The following LSAMP variants were observed in gnomAD, a reference collection of about 807,000 sequenced individuals.
LSAMP encodes the protein limbic system-associated membrane protein.
LSAMP carries 7 observed loss-of-function variants against 38.6 expected under a neutral mutation model. The ratio of observed to expected loss-of-function variants is 0.18; its 90% CI spans 0.10 to 0.34. The LOEUF (loss-of-function observed/expected upper bound fraction) is 0.34. Among genes scored for constraint, LSAMP ranks in the 10% least tolerant of loss-of-function variants. LSAMP has a pLI of 1.00. For missense variants in LSAMP, 313 were observed against 420.0 expected (o/e 0.75, Z 2.23); for synonymous variants, 154 against 166.8 (o/e 0.92, Z 0.59).
intron 1 of LSAMP, among the ~76,000 whole-genome samples, chr3:116,204,564 G>C (rs924992158): frequency 2.4e-4 from 37 of 151,302 alleles, no homozygotes; most frequent in Admixed American, 1.4e-3. Context: ...AATCCATCTT[G>C]AATTGATTTT....
intron 3 of LSAMP, among the ~76,000 whole-genome samples, chr3:115,963,137 C>T (rs1219894603): frequency 6.6e-6 from 1 of 152,134 alleles, no homozygotes; most frequent in Non-Finnish European, 1.5e-5. Context: ...TGTGGGACCA[C>T]AGGATCTCCA....
chr3:115,855,566 A>C (rs1045295619), intron 3 of LSAMP, among the ~76,000 whole-genome samples: 9 of 152,204 alleles, frequency 5.9e-5, no homozygotes, highest in Admixed American at 2.6e-4. Context: ...CACAATGTGC[A>C]TAGCTATCTC....
chr3:116,148,173 G>A (rs112545909), intron 1 of LSAMP, among the ~76,000 whole-genome samples: 2,717 of 148,766 alleles, frequency 0.018, 39 homozygotes, highest in Middle Eastern at 0.038. Context: ...TTCTCTCAGA[G>A]GTTAGTTAAA....
At chr3:116,058,466 A>G (rs982851136) in intron 2 of LSAMP, among the ~76,000 whole-genome samples, 16 of 152,252 alleles carry the variant, frequency 1.1e-4, no homozygotes, top group African/African-American at 2.9e-4. Flanking sequence ...ATTTTGAAAA[A>G]AAAAAAAAAA....
chr3:116,408,319 A>G (rs72951931), intron 1 of LSAMP, among the ~76,000 whole-genome samples: 5,339 of 152,214 alleles, frequency 0.035, 312 homozygotes, highest in African/African-American at 0.12. Context: ...AAGTGCAGAA[A>G]GAATGTTTAT....
intron 1 of LSAMP, among the ~76,000 whole-genome samples, chr3:116,237,608 A>G (rs1196131016): frequency 6.6e-6 from 1 of 152,134 alleles, no homozygotes; most frequent in Non-Finnish European, 1.5e-5. Flanking sequence ...CATTTTCACC[A>G]CAATTCATTT....
At chr3:116,279,743 TTTTCA>T (rs2047102652) in intron 1 of LSAMP, among the ~76,000 whole-genome samples, 1 of 152,176 alleles carries the variant, frequency 6.6e-6, no homozygotes, top group Non-Finnish European at 1.5e-5. Flanking sequence ...TGAAAATCTG[TTTTCA>T]TATACAACAT....
chr3:116,130,909 CTAA>C (rs1335226551), intron 1 of LSAMP, among the ~76,000 whole-genome samples: 5 of 151,556 alleles, frequency 3.3e-5, no homozygotes, highest in South Asian at 2.1e-4. Flanking sequence ...GGGCCTTGCT[CTAA>C]TGAGTGTATG....
intron 1 of LSAMP, among the ~76,000 whole-genome samples, chr3:116,394,393 A>G (rs2048742024): frequency 6.6e-6 from 1 of 152,184 alleles, no homozygotes; most frequent in South Asian, 2.1e-4. Context: ...ATCCTGCCCT[A>G]TTGCTCCCTC....
intron 6 of LSAMP, chr3:115,834,499 G>T: frequency 9.0e-7 from 1 of 1,112,048 alleles, no homozygotes; most frequent in Non-Finnish European, 1.2e-6. Flanking sequence ...TGTGTGTTTT[G>T]CATGTTAAAG....
At chr3:116,305,910 C>T (rs2047478024) in intron 1 of LSAMP, among the ~76,000 whole-genome samples, 1 of 145,732 alleles carries the variant, frequency 6.9e-6, no homozygotes. Context: ...ATCTCTGCCT[C>T]TTGTAATGAA....
intron 6 of LSAMP, among the ~76,000 whole-genome samples, chr3:115,811,633 G>A (rs1933836384): frequency 6.6e-6 from 1 of 151,938 alleles, no homozygotes; most frequent in South Asian, 2.1e-4. Flanking sequence ...CCTGGTATGT[G>A]AATTTTTCCA....
intron 1 of LSAMP, among the ~76,000 whole-genome samples, chr3:116,303,046 A>G (rs1033744744): frequency 7.1e-4 from 108 of 152,256 alleles, no homozygotes; most frequent in African/African-American, 2.4e-3. Flanking sequence ...TTTTATTTTA[A>G]TTAATTTTTT....
intron 3 of LSAMP, among the ~76,000 whole-genome samples, chr3:115,933,038 T>C (rs1937606466): frequency 1.3e-5 from 2 of 151,806 alleles, no homozygotes; most frequent in Admixed American, 1.3e-4. Flanking sequence ...GAAAATAAAG[T>C]GGGGAAATGG....
intron 1 of LSAMP, among the ~76,000 whole-genome samples, chr3:116,105,472 G>A (rs566521526): frequency 5.3e-4 from 80 of 152,196 alleles, no homozygotes; most frequent in Non-Finnish European, 9.9e-4. Context: ...GCGAAGGGAG[G>A]TAGGGGTGGG....
At chr3:115,932,979 T>C (rs1186978485) in intron 3 of LSAMP, among the ~76,000 whole-genome samples, 1 of 152,112 alleles carries the variant, frequency 6.6e-6, no homozygotes, top group East Asian at 1.9e-4. Flanking sequence ...GAAGCGAAAC[T>C]GAACTAGCTC....
chr3:116,039,926 G>A (rs1299148003), intron 2 of LSAMP, among the ~76,000 whole-genome samples: 2 of 151,922 alleles, frequency 1.3e-5, no homozygotes, highest in East Asian at 1.9e-4. Context: ...AACATACATC[G>A]CTAAAGCCCT....
intron 6 of LSAMP, among the ~76,000 whole-genome samples, chr3:115,821,372 TCTTGA>T (rs1383192429): frequency 6.6e-6 from 1 of 152,242 alleles, no homozygotes; most frequent in Non-Finnish European, 1.5e-5. Flanking sequence ...GTGCTTTCAG[TCTTGA>T]CTTTTGACAA....
intron 1 of LSAMP, among the ~76,000 whole-genome samples, chr3:116,228,573 T>G (rs984753439): frequency 6.6e-6 from 1 of 152,060 alleles, no homozygotes; most frequent in African/African-American, 2.4e-5. Flanking sequence ...GGTAAATATA[T>G]GGAGTAAGTA....
Sources: gnomAD v4.1 joint callset for allele counts (sites outside exome capture counted in the v4.1 genomes callset) on GRCh38, gnomAD v4.1.1 for gene constraint, MANE v1.5 for transcripts, NCBI Gene and HGNC (gene_info 2026-07-23, HGNC 2026-07-21) for gene names.